RANBP9: variants seen among roughly 807,000 people sequenced by gnomAD.
The protein encoded by RANBP9 is RAN binding protein 9.
In RANBP9, 15 loss-of-function variants were observed where a neutral mutation model predicts 84.3. The observed-to-expected ratio is 0.18, with a 90% CI of 0.12 to 0.27. The LOEUF (loss-of-function observed/expected upper bound fraction) is 0.27. Among genes scored for constraint, RANBP9 ranks in the 10% least tolerant of loss-of-function variants. RANBP9 has a pLI of 1.00. For missense variants in RANBP9, 809 were observed against 912.8 expected, an observed-to-expected ratio of 0.89 and a Z score of 1.46; for synonymous variants, 392 against 349.6, an observed-to-expected ratio of 1.12 and a Z score of -1.35.
At chr6:13,631,681 AAATGTTTAC>A (rs1479481290) in intron 12 of RANBP9, among the ~76,000 whole-genome samples, 3 of 152,224 alleles carry the variant, frequency 2.0e-5, no homozygotes, top group African/African-American at 7.2e-5. Context: ...ATTCAGAAGA[AAATGTTTAC>A]AATGAACCAA....
intron 1 of RANBP9, among the ~76,000 whole-genome samples, chr6:13,710,023 T>C (rs1037144481): frequency 3.9e-5 from 6 of 152,200 alleles, no homozygotes; most frequent in African/African-American, 9.7e-5. Flanking sequence ...GTAAACTTGA[T>C]ACATGCTATT....
chr6:13,662,509 G>A (rs1162324963), intron 2 of RANBP9, among the ~76,000 whole-genome samples: 1 of 152,144 alleles, frequency 6.6e-6, no homozygotes, highest in Non-Finnish European at 1.5e-5. Flanking sequence ...TAATATGGTG[G>A]TATTATGAGA....
At chr6:13,706,989 G>A (rs1447419154) in intron 1 of RANBP9, among the ~76,000 whole-genome samples, 1 of 137,202 alleles carries the variant, frequency 7.3e-6, no homozygotes, top group African/African-American at 2.8e-5. Flanking sequence ...CTGGACGATA[G>A]AGCAAGACTC....
At chr6:13,686,927 T>C (rs907034784) in intron 2 of RANBP9, among the ~76,000 whole-genome samples, 4 of 152,194 alleles carry the variant, frequency 2.6e-5, no homozygotes, top group Non-Finnish European at 5.9e-5. Context: ...AGTCCTCCTT[T>C]GAACTGACTT....
intron 1 of RANBP9, among the ~76,000 whole-genome samples, chr6:13,703,949 T>C (rs1758036606): frequency 6.6e-6 from 1 of 152,212 alleles, no homozygotes; most frequent in Non-Finnish European, 1.5e-5. Context: ...AATCATTATT[T>C]TATTCATGGT....
At chr6:13,707,727 A>G (rs1758162569) in intron 1 of RANBP9, among the ~76,000 whole-genome samples, 1 of 152,222 alleles carries the variant, frequency 6.6e-6, no homozygotes, top group Admixed American at 6.5e-5. Context: ...TATATAAAGC[A>G]CTCTATAAAA....
intron 2 of RANBP9, among the ~76,000 whole-genome samples, chr6:13,659,795 G>T (rs74706460): frequency 6.6e-6 from 1 of 152,098 alleles, no homozygotes; most frequent in African/African-American, 2.4e-5. Flanking sequence ...CAGCAAGCAA[G>T]ATATTCAACA....
chr6:13,679,923 G>A (rs546727612), intron 2 of RANBP9, among the ~76,000 whole-genome samples: 8 of 151,624 alleles, frequency 5.3e-5, no homozygotes, highest in East Asian at 1.9e-4. Flanking sequence ...AATATAAATC[G>A]GTCAAAAAAT....
rs1365569325 is a variant in RANBP9, at chr6:13,622,189, C to T, written c.*173G>A. The T allele has an allele frequency of 1.4e-5, 8 of 563,666 alleles. No homozygotes were observed. In the Admixed American group the frequency reaches 1.7e-4, roughly 12 times the overall value. 34.9% of individuals were successfully genotyped at this position (563,666 alleles called of 1,614,324 possible). A position where few individuals can be genotyped will look rare whatever the true frequency, so the allele number is the denominator to read the frequency against. On this transcript the variant is annotated 3_prime_UTR_variant, in exon 14 of 14. Coordinates refer to ENST00000011619, the MANE Select transcript of RANBP9 (RefSeq NM_005493.3). ...AAAGATGGAAAATAATTTCTCCTAACACTAAGTTAGAAAATCATTTGCATC... is the reference window on the plus strand; with the variant it reads ...AAAGATGGAAAATAATTTCTCCTAATACTAAGTTAGAAAATCATTTGCATC...
chr6:13,670,871 T>C (rs1765765195), intron 2 of RANBP9, among the ~76,000 whole-genome samples: 1 of 149,342 alleles, frequency 6.7e-6, no homozygotes, highest in African/African-American at 2.5e-5. Context: ...ATTTAAAGGA[T>C]ACTGTCAAGG....
intron 2 of RANBP9, among the ~76,000 whole-genome samples, chr6:13,691,855 C>T (rs950217273): frequency 6.6e-6 from 1 of 152,122 alleles, no homozygotes; most frequent in East Asian, 1.9e-4. Context: ...TTAGTAGAGA[C>T]GGGGTTTCAC....
At chr6:13,664,202 TG>T (rs763250609) in intron 2 of RANBP9, among the ~76,000 whole-genome samples, 7 of 152,264 alleles carry the variant, frequency 4.6e-5, no homozygotes, top group Non-Finnish European at 1.0e-4. Flanking sequence ...CAAAGTCCAC[TG>T]TATTTGGCAG....
chr6:13,658,156 C>A (rs985681946), intron 3 of RANBP9, among the ~76,000 whole-genome samples: 5 of 151,606 alleles, frequency 3.3e-5, no homozygotes, highest in East Asian at 1.9e-4. Flanking sequence ...GGTTAAAAGT[C>A]AAAAATGTGA....
intron 10 of RANBP9, among the ~76,000 whole-genome samples, chr6:13,635,913 A>T (rs1764926860): frequency 6.6e-6 from 1 of 152,000 alleles, no homozygotes. Flanking sequence ...GGTGCTAAGG[A>T]TATTATGAAA....
intron 2 of RANBP9, among the ~76,000 whole-genome samples, chr6:13,683,082 C>G (rs1766082711): frequency 6.6e-6 from 1 of 152,178 alleles, no homozygotes; most frequent in South Asian, 2.1e-4. Flanking sequence ...GGATGAATCT[C>G]AACTCTTAAC....
At chr6:13,679,691 A>G (rs1189275660) in intron 2 of RANBP9, among the ~76,000 whole-genome samples, 4 of 152,206 alleles carry the variant, frequency 2.6e-5, no homozygotes. Context: ...AAAAAGTAGC[A>G]ACTTTAAATC....
intron 2 of RANBP9, among the ~76,000 whole-genome samples, chr6:13,666,464 C>A (rs1562310934): frequency 6.6e-6 from 1 of 151,472 alleles, no homozygotes; most frequent in Non-Finnish European, 1.5e-5. Flanking sequence ...CAATTTTACA[C>A]CAATTAAATT....
intron 12 of RANBP9, among the ~76,000 whole-genome samples, chr6:13,627,663 T>G (rs138660028): frequency 2.3e-3 from 338 of 146,672 alleles, no homozygotes; most frequent in African/African-American, 7.8e-3. Context: ...AATCACGTTA[T>G]TTTTAAGGAC....
intron 13 of RANBP9, among the ~76,000 whole-genome samples, chr6:13,623,799 TTAA>T (rs569784064): frequency 1.5e-3 from 221 of 152,332 alleles, no homozygotes; most frequent in African/African-American, 4.7e-3. Flanking sequence ...TACATTTATA[TTAA>T]TAAGATTAAG....
Sources: gnomAD v4.1 joint callset for allele counts (sites outside exome capture counted in the v4.1 genomes callset) on GRCh38, gnomAD v4.1.1 for gene constraint, MANE v1.5 for transcripts, NCBI Gene and HGNC (gene_info 2026-07-23, HGNC 2026-07-21) for gene names.